The following ARMC3 variants were observed in gnomAD, a reference collection of about 807,000 sequenced individuals.
The protein encoded by ARMC3 is armadillo repeat-containing protein 3.
A neutral mutation model predicts 90.3 loss-of-function variants in ARMC3; 74 were observed. The ratio of observed to expected loss-of-function variants is 0.82; its 90% CI spans 0.68 to 0.99. The LOEUF is 0.99. Among genes scored for constraint, ARMC3 ranks in the 50% least tolerant of loss-of-function variants. The pLI, the probability that ARMC3 is intolerant of heterozygous loss-of-function variation, is 0.00. For synonymous variants in ARMC3, 334 were observed against 361.8 expected (o/e 0.92, Z 0.87); for missense variants, 958 against 1,042.8 (o/e 0.92, Z 1.12).
At chr10:22,974,902 G>C (rs1451117807) in intron 8 of ARMC3, among the ~76,000 whole-genome samples, 1 of 137,984 alleles carries the variant, frequency 7.2e-6, no homozygotes, top group Non-Finnish European at 1.5e-5. Flanking sequence ...TTGGCCTCCC[G>C]AAGTGCTGGG....
At chr10:23,018,514 A>ATTTT (rs5783816) in intron 16 of ARMC3, among the ~76,000 whole-genome samples, 14,365 of 115,304 alleles carry the variant, frequency 0.12, 1,410 homozygotes, top group Non-Finnish European at 0.14. Context: ...CACCTTAGTA[A>ATTTT]TTTTTTTTTT....
chr10:23,018,046 T>C (rs1186464867), intron 16 of ARMC3, among the ~76,000 whole-genome samples: 1 of 152,240 alleles, frequency 6.6e-6, no homozygotes, highest in African/African-American at 2.4e-5. Flanking sequence ...ACAATTCTTT[T>C]TAATAATAAA....
At chr10:22,973,761 T>C (rs1453041570) in intron 8 of ARMC3, among the ~76,000 whole-genome samples, 2 of 136,172 alleles carry the variant, frequency 1.5e-5, no homozygotes, top group Admixed American at 1.4e-4. Context: ...TTCTTTTTTT[T>C]TTTTTTTTTT....
chr10:23,003,001 G>T (rs1313405352), intron 12 of ARMC3, among the ~76,000 whole-genome samples: 1 of 152,124 alleles, frequency 6.6e-6, no homozygotes, highest in African/African-American at 2.4e-5. Context: ...GATGAACAAA[G>T]AACTTTTTCC....
chr10:23,012,850 G>A (rs147393851), intron 16 of ARMC3, among the ~76,000 whole-genome samples: 46 of 149,350 alleles, frequency 3.1e-4, no homozygotes, highest in African/African-American at 1.1e-3. Flanking sequence ...CCATAAACCC[G>A]TCCTCCATGC....
chr10:22,965,037 ATG>A, intron 7 of ARMC3, among the ~76,000 whole-genome samples: 1 of 152,196 alleles, frequency 6.6e-6, no homozygotes, highest in East Asian at 1.9e-4. Flanking sequence ...GTCCTATATC[ATG>A]TGTTAAGATA....
chr10:22,964,533 G>T (rs540758090), intron 7 of ARMC3, among the ~76,000 whole-genome samples: 1 of 150,776 alleles, frequency 6.6e-6, no homozygotes, highest in South Asian at 2.1e-4. Flanking sequence ...TCTGCCTCCT[G>T]GGTTCAAGTG....
intron 14 of ARMC3, among the ~76,000 whole-genome samples, chr10:23,007,842 GCCTATAATCCCAAC>G (rs1189043656): frequency 6.6e-6 from 1 of 152,144 alleles, no homozygotes; most frequent in Non-Finnish European, 1.5e-5. Flanking sequence ...AGTGGCTCAT[GCCTATAATCCCAAC>G]CCTTTGTGAG....
intron 8 of ARMC3, among the ~76,000 whole-genome samples, chr10:22,968,740 G>A (rs113947961): frequency 1.1e-4 from 17 of 152,160 alleles, no homozygotes; most frequent in African/African-American, 3.4e-4. Flanking sequence ...GGGCTCAAGC[G>A]ATCTGCCCAC....
intron 3 of ARMC3, among the ~76,000 whole-genome samples, chr10:22,954,528 T>A: frequency 6.6e-6 from 1 of 150,990 alleles, no homozygotes; most frequent in Non-Finnish European, 1.5e-5. Flanking sequence ...AAAAATTAGC[T>A]AGGCATGTTG....
chr10:22,980,213 T>G (rs773805564), intron 8 of ARMC3, among the ~76,000 whole-genome samples: 7 of 152,212 alleles, frequency 4.6e-5, no homozygotes, highest in African/African-American at 7.2e-5. Context: ...AAAATTCTTA[T>G]TCTAATAGAA....
intron 2 of ARMC3, among the ~76,000 whole-genome samples, chr10:22,941,707 A>G (rs1240612757): frequency 3.3e-5 from 5 of 152,208 alleles, no homozygotes; most frequent in Admixed American, 2.6e-4. Context: ...TGCAAGTTGG[A>G]AGTTGATGGA....
At chr10:22,979,733 G>T (rs757147613) in intron 8 of ARMC3, among the ~76,000 whole-genome samples, 2 of 151,894 alleles carry the variant, frequency 1.3e-5, no homozygotes, top group Non-Finnish European at 2.9e-5. Context: ...AAACATTTTC[G>T]GAGCCACATA....
chr10:23,002,150 C>G, intron 12 of ARMC3, 95 bp downstream of exon 12: 1 of 1,487,146 alleles, frequency 6.7e-7, no homozygotes, highest in East Asian at 2.4e-5. Flanking sequence ...GCCAAGTCTC[C>G]GCTGCTCTCT....
In ARMC3 at chr10:23,008,715, T is replaced by C. The variant is rs45523431; in HGVS notation, c.1929-100T>C. 1.6e-3 allele frequency: 1,526 copies of C among 954,048 alleles called. 3 individuals carry two copies. The highest frequency in any genetic ancestry group is 1.8e-3 in the Non-Finnish European group (1,156 of 626,832). 59.1% of individuals were successfully genotyped at this position (954,048 alleles called of 1,614,324 possible). A position where few individuals can be genotyped will look rare whatever the true frequency, so the allele number is the denominator to read the frequency against. ...GTTATATAATGAAGTAAAAATTGTA[T>C]AATGAAGTAAAAATGCCTTGTAAGC... On this transcript the variant is annotated intron_variant, in intron 15 of 18. Coordinates refer to ENST00000298032, the MANE Select transcript of ARMC3 (RefSeq NM_173081.5).
chr10:22,971,708 T>C (rs944056368), intron 8 of ARMC3, among the ~76,000 whole-genome samples: 2 of 152,142 alleles, frequency 1.3e-5, no homozygotes, highest in Non-Finnish European at 2.9e-5. Context: ...CTCAAAGTGC[T>C]GGGATTACAG....
At position 22,959,528 on chromosome 10, in the gene ARMC3, C is replaced by T. The variant is rs150310367; in HGVS notation, c.491C>T (p.Pro164Leu). The T allele has an allele frequency of 2.9e-5, 47 of 1,610,900 alleles. No homozygotes were observed. Among genetic ancestry groups the T allele is most frequent in the Middle Eastern group, 1.6e-4 (1 of 6,066 alleles). ...ATCAGACTACTGAGTAGCCCTGACCCGGATGTAAAGAAGAACTCTATGGAA... is the reference window on the plus strand; with the variant it reads ...ATCAGACTACTGAGTAGCCCTGACCTGGATGTAAAGAAGAACTCTATGGAA... ...PLIRLLSSPDPDVKKNSMECI... is the reference protein window; with the variant it reads ...PLIRLLSSPDLDVKKNSMECI... Residue 164 changes from proline (P) to leucine (L), a missense_variant, in exon 6 of 19, where the codon CCG becomes CTG. Transcript: ENST00000298032.
rs774828493 is a variant in ARMC3, at chr10:23,002,544, TTTTCTC to T, written c.1562+495_1562+500del. 2.8e-4 allele frequency among the ~76,000 whole-genome samples: 33 copies of T among 116,848 alleles called. No individual in the cohort carries two copies. In the East Asian group the frequency reaches 4.6e-3, roughly 16 times the overall value. The allele number at this position is 116,848 out of a possible 152,430, so 76.7% of individuals were successfully genotyped here. A position where few individuals can be genotyped will look rare whatever the true frequency, so the allele number is the denominator to read the frequency against. ...CTAATAGGGTTTTAAGTTTCATTTC[TTTTCTC>T]TTTCTTTCTTTCTTTCTTTCTTTCT... is the stretch of plus-strand genomic sequence containing the variant. On this transcript the variant is annotated intron_variant, in intron 12 of 18. Transcript: ENST00000298032.
chr10:23,018,586 TGCTCACTGCAA>T (rs1254968507), intron 16 of ARMC3, among the ~76,000 whole-genome samples: 3 of 148,334 alleles, frequency 2.0e-5, no homozygotes, highest in African/African-American at 7.5e-5. Flanking sequence ...GCTCAATCTC[TGCTCACTGCAA>T]GCTCTGCCTC....
Sources: allele counts gnomAD v4.1 joint callset (sites outside exome capture counted in the v4.1 genomes callset), GRCh38; gene constraint gnomAD v4.1.1; transcripts MANE v1.5; gene names NCBI Gene and HGNC (gene_info 2026-07-23, HGNC 2026-07-21).